The following SYNCRIP variants were observed in gnomAD, a reference collection of about 807,000 sequenced individuals.
The protein encoded by SYNCRIP is heterogeneous nuclear ribonucleoprotein Q.
SYNCRIP carries 9 observed loss-of-function variants against 68.9 expected under a neutral mutation model. The observed-to-expected ratio is 0.13, with a 90% CI of 0.08 to 0.23. SYNCRIP has a LOEUF of 0.23. Ranked by LOEUF, SYNCRIP falls within the 10% of genes least tolerant of loss-of-function variation. SYNCRIP has a pLI of 1.00. For missense variants in SYNCRIP, 414 were observed against 770.6 expected (o/e 0.54, Z 5.48); for synonymous variants, 258 against 254.0 (o/e 1.02, Z -0.15).
chr6:85,634,577 TGTTG>T (rs1562105536), intron 6 of SYNCRIP, among the ~76,000 whole-genome samples: 1 of 132,658 alleles, frequency 7.5e-6, no homozygotes, highest in Non-Finnish European at 1.8e-5. Context: ...TACACTGGTG[TGTTG>T]TTTTTTTTTT....
At chr6:85,639,025 T>C (rs9450309) in intron 4 of SYNCRIP, among the ~76,000 whole-genome samples, 18,114 of 152,098 alleles carry the variant, frequency 0.12, 1,668 homozygotes, top group African/African-American at 0.26. Flanking sequence ...CCGGTCAACA[T>C]GGTGAAACCT....
chr6:85,622,245 G>A (rs1272919094), intron 8 of SYNCRIP, among the ~76,000 whole-genome samples: 1 of 151,960 alleles, frequency 6.6e-6, no homozygotes, highest in Non-Finnish European at 1.5e-5. Flanking sequence ...TGTGGTGGTG[G>A]GAGCCTGTAA....
At chr6:85,638,525 C>CA (rs1451052724) in intron 4 of SYNCRIP, among the ~76,000 whole-genome samples, 1 of 151,202 alleles carries the variant, frequency 6.6e-6, no homozygotes, top group African/African-American at 2.4e-5. Flanking sequence ...TTAGCTAGGA[C>CA]ATTCTGAAAT....
intron 6 of SYNCRIP, among the ~76,000 whole-genome samples, chr6:85,634,430 G>A (rs1808198748): frequency 6.6e-6 from 1 of 152,182 alleles, no homozygotes. Flanking sequence ...AAAAATGGAT[G>A]ACACCACTAG....
intron 6 of SYNCRIP, among the ~76,000 whole-genome samples, chr6:85,625,534 C>A (rs1806939451): frequency 6.6e-6 from 1 of 152,048 alleles, no homozygotes; most frequent in Non-Finnish European, 1.5e-5. Flanking sequence ...ATTACAGGCG[C>A]CTGCCACCAT....
At chr6:85,630,781 T>C (rs908643682) in intron 6 of SYNCRIP, among the ~76,000 whole-genome samples, 7 of 152,146 alleles carry the variant, frequency 4.6e-5, no homozygotes, top group Non-Finnish European at 8.8e-5. Context: ...TACTACATAA[T>C]GGGGCACAGT....
intron 6 of SYNCRIP, among the ~76,000 whole-genome samples, chr6:85,629,045 G>A (rs1182997008): frequency 6.6e-6 from 1 of 151,930 alleles, no homozygotes; most frequent in African/African-American, 2.4e-5. Flanking sequence ...TCATTATTCA[G>A]CCACTTACAA....
chr6:85,608,440 T>A (rs1192222488), exon 12 of SYNCRIP: 1 of 151,984 alleles, frequency 6.6e-6, no homozygotes, highest in Admixed American at 6.6e-5. Context: ...GTACAGATAG[T>A]TTTTGAACTG....
chr6:85,639,841 T>C (rs1196470545), intron 4 of SYNCRIP, among the ~76,000 whole-genome samples: 1 of 152,130 alleles, frequency 6.6e-6, no homozygotes, highest in Non-Finnish European at 1.5e-5. Context: ...AGGGTTAACA[T>C]TCTAAATTCA....
chr6:85,621,046 T>C (rs1243639965), intron 8 of SYNCRIP, among the ~76,000 whole-genome samples: 2 of 152,198 alleles, frequency 1.3e-5, no homozygotes, highest in Admixed American at 6.5e-5. Context: ...TGAAAGCTTC[T>C]CAAAGTAAAA....
intron 1 of SYNCRIP, among the ~76,000 whole-genome samples, chr6:85,641,713 A>C (rs1004318914): frequency 1.2e-4 from 18 of 152,308 alleles, no homozygotes; most frequent in South Asian, 6.2e-4. Context: ...TTACAAATAG[A>C]GCCCAATCAG....
At chr6:85,617,032 A>G (rs1805854286) in intron 10 of SYNCRIP, among the ~76,000 whole-genome samples, 1 of 152,138 alleles carries the variant, frequency 6.6e-6, no homozygotes, top group Non-Finnish European at 1.5e-5. Context: ...ATTATGGGAG[A>G]CTAGACTACC....
chr6:85,635,246 T>C (rs1287453311), intron 6 of SYNCRIP, among the ~76,000 whole-genome samples: 2 of 152,134 alleles, frequency 1.3e-5, no homozygotes, highest in African/African-American at 2.4e-5. Context: ...CAAATTGAAC[T>C]GCTGAAACTA....
chr6:85,613,020 G>T, downstream of SYNCRIP: 2 of 1,409,024 alleles, frequency 1.4e-6, no homozygotes, highest in Non-Finnish European at 1.9e-6. Flanking sequence ...GCCTTAACAT[G>T]GTAATTCTAA....
chr6:85,613,849 A>T, downstream of SYNCRIP: 1 of 461,870 alleles, frequency 2.2e-6, no homozygotes, highest in Non-Finnish European at 2.8e-6. Flanking sequence ...TAGTTAGGAT[A>T]AACTTTAGGC....
At chr6:85,624,392 A>T (rs1806798749) in intron 6 of SYNCRIP, among the ~76,000 whole-genome samples, 1 of 152,206 alleles carries the variant, frequency 6.6e-6, no homozygotes, top group African/African-American at 2.4e-5. Context: ...CAAAAACTTA[A>T]CTTTTACTTA....
At chr6:85,635,530 G>A (rs548660372) in intron 6 of SYNCRIP, among the ~76,000 whole-genome samples, 2 of 152,152 alleles carry the variant, frequency 1.3e-5, no homozygotes, top group Admixed American at 6.5e-5. Context: ...AGCACTTTGC[G>A]GGGCTGAGGC....
chr6:85,618,650 G>A (rs1240178919), intron 10 of SYNCRIP, among the ~76,000 whole-genome samples, 168 bp downstream of exon 10: 1 of 152,180 alleles, frequency 6.6e-6, no homozygotes, highest in Non-Finnish European at 1.5e-5. Flanking sequence ...CATAGTAAGA[G>A]TTCAATAAAC....
At chr6:85,628,200 C>T (rs1489944974) in intron 6 of SYNCRIP, among the ~76,000 whole-genome samples, 3 of 152,090 alleles carry the variant, frequency 2.0e-5, no homozygotes, top group East Asian at 3.9e-4. Context: ...GGACCACAGG[C>T]GTGTGCCACC....
Sources: allele counts gnomAD v4.1 joint callset (sites outside exome capture counted in the v4.1 genomes callset), GRCh38; gene constraint gnomAD v4.1.1; transcripts MANE v1.5; gene names NCBI Gene and HGNC (gene_info 2026-07-23, HGNC 2026-07-21).